The following DGKB variants were observed in gnomAD, a reference collection of about 807,000 sequenced individuals.
DGKB encodes the protein diacylglycerol kinase beta, also known as 90 kDa diacylglycerol kinase.
DGKB carries 67 observed loss-of-function variants against 114.3 expected under a neutral mutation model. The ratio of observed to expected loss-of-function variants is 0.59; its 90% CI spans 0.48 to 0.72. The LOEUF (loss-of-function observed/expected upper bound fraction) is 0.72. DGKB is among the 30% of genes least tolerant of loss of function. The pLI is 0.00. For missense variants in DGKB, 907 were observed against 975.2 expected (o/e 0.93, Z 0.93); for synonymous variants, 398 against 323.1 (o/e 1.23, Z -2.49).
At position 14,487,384 on chromosome 7, in the gene DGKB, G is replaced by A. The variant is rs553696715; in HGVS notation, c.1771-9159C>T. Among the ~76,000 whole-genome samples the A allele has an allele frequency of 3.9e-5, 6 of 152,146 alleles. No homozygotes were observed. The East Asian group carries it at 1.2e-3, about 29-fold the overall frequency. Reference sequence around the variant, plus strand: ...AGACTAGTAAAGTGGTTTTAAAAAAGCCAAGATGAATCTAGAATAGGACCA... The same window carrying A: ...AGACTAGTAAAGTGGTTTTAAAAAAACCAAGATGAATCTAGAATAGGACCA... On this transcript the variant is annotated intron_variant, in intron 20 of 25. Coordinates refer to ENST00000402815, the MANE Select transcript of DGKB (RefSeq NM_001350709.2).
intron 23 of DGKB, among the ~76,000 whole-genome samples, chr7:14,235,785 A>G (rs567705780): frequency 6.6e-6 from 1 of 152,164 alleles, no homozygotes; most frequent in East Asian, 1.9e-4. Flanking sequence ...GCATACTTAA[A>G]AGACAATGTA....
At chr7:14,369,014 T>G (rs1817177439) in intron 21 of DGKB, among the ~76,000 whole-genome samples, 3 of 152,132 alleles carry the variant, frequency 2.0e-5, no homozygotes, top group Admixed American at 2.0e-4. Flanking sequence ...GGTGGTTTGC[T>G]GCACTCATCA....
intron 23 of DGKB, among the ~76,000 whole-genome samples, chr7:14,304,322 C>A (rs1423789357): frequency 6.6e-6 from 1 of 151,950 alleles, no homozygotes; most frequent in Non-Finnish European, 1.5e-5. Context: ...TAATGTAAGA[C>A]AGCTTATTTT....
chr7:14,924,160 T>C (rs143179546), intron 1 of DGKB, among the ~76,000 whole-genome samples: 32 of 152,192 alleles, frequency 2.1e-4, no homozygotes, highest in African/African-American at 7.7e-4. Flanking sequence ...ATTTTTGTTA[T>C]AGAATTGTAT....
rs952887237 is a variant in DGKB at position 14,649,324 on chromosome 7, C to G, written c.1135-19056G>C. 4.0e-4 allele frequency among the ~76,000 whole-genome samples: 61 copies of G among 151,890 alleles called. 1 individual carries two copies. The highest frequency in any genetic ancestry group is 1.0e-3 in the South Asian group (5 of 4,816). ...GGCAGAAACCCCACAAGCCAGAAGA[C>G]AGTGGGGACCAATATTCAACATTCT... On this transcript the variant is annotated intron_variant, in intron 13 of 25. Coordinates refer to ENST00000402815, the MANE Select transcript of DGKB (RefSeq NM_001350709.2).
At chr7:14,743,256 A>G (rs1158563557) in intron 4 of DGKB, among the ~76,000 whole-genome samples, 5 of 152,168 alleles carry the variant, frequency 3.3e-5, no homozygotes, top group Non-Finnish European at 7.4e-5. Context: ...ATGTAATATT[A>G]ATGAATAATG....
chr7:14,620,077 TTTAA>T (rs941139556), intron 15 of DGKB, among the ~76,000 whole-genome samples: 9 of 151,554 alleles, frequency 5.9e-5, no homozygotes, highest in African/African-American at 1.7e-4. Context: ...TATAGGATAA[TTTAA>T]TTAATTTTTT....
intron 12 of DGKB, among the ~76,000 whole-genome samples, chr7:14,681,504 G>T (rs938784803): frequency 6.6e-6 from 1 of 151,644 alleles, no homozygotes; most frequent in Non-Finnish European, 1.5e-5. Flanking sequence ...TTAAGCCCTG[G>T]GTTGAGGGTG....
At chr7:14,265,318 C>CTTTTGTTTTTTT (rs1797332668) in intron 23 of DGKB, among the ~76,000 whole-genome samples, 1 of 67,752 alleles carries the variant, frequency 1.5e-5, no homozygotes, top group African/African-American at 6.8e-5. Flanking sequence ...CTCTTGCATT[C>CTTTTGTTTTTTT]TTTTTTTTTT....
At chr7:14,310,351 T>C (rs1455615077) in intron 23 of DGKB, among the ~76,000 whole-genome samples, 1 of 152,078 alleles carries the variant, frequency 6.6e-6, no homozygotes. Context: ...CTCTAAATAA[T>C]AGATACCAAG....
intron 12 of DGKB, 145 bp downstream of exon 12, chr7:14,682,408 A>T: frequency 3.2e-6 from 2 of 632,708 alleles, no homozygotes; most frequent in East Asian, 5.4e-5. Context: ...ATCTCTTTGC[A>T]AACAAGCTGA....
intron 23 of DGKB, among the ~76,000 whole-genome samples, chr7:14,336,436 T>G (rs186668791): frequency 1.7e-3 from 255 of 152,294 alleles, no homozygotes; most frequent in African/African-American, 5.8e-3. Context: ...CATACTTCTG[T>G]TTTTGCTCAT....
intron 23 of DGKB, among the ~76,000 whole-genome samples, chr7:14,227,855 A>G (rs1294771163): frequency 6.6e-6 from 1 of 152,082 alleles, no homozygotes; most frequent in African/African-American, 2.4e-5. Context: ...TCTCTTGCAT[A>G]TAAGATCATA....
At chr7:14,283,146 A>G (rs1313378665) in intron 23 of DGKB, among the ~76,000 whole-genome samples, 1 of 151,772 alleles carries the variant, frequency 6.6e-6, no homozygotes, top group Non-Finnish European at 1.5e-5. Context: ...CCTTAAGCTG[A>G]TAAGCAACTT....
chr7:14,788,674 C>T (rs1457466558), intron 2 of DGKB, among the ~76,000 whole-genome samples: 1 of 152,152 alleles, frequency 6.6e-6, no homozygotes, highest in Non-Finnish European at 1.5e-5. Context: ...CTTACTTCCC[C>T]TGGAAAACAC....
In DGKB at chr7:14,487,969, C is replaced by T. The variant is rs367952626; in HGVS notation, c.1771-9744G>A. On this transcript the variant is annotated intron_variant, in intron 20 of 25. Coordinates refer to ENST00000402815, the MANE Select transcript of DGKB (RefSeq NM_001350709.2). ...GGAAATAAAATATATTTCTCATCTG[C>T]TGTAAATAAAAACTTATGAACATTG... Among the ~76,000 whole-genome samples, 25 of 152,080 alleles carry T rather than the reference C, an allele frequency of 1.6e-4. No homozygotes were observed. In the South Asian group the frequency reaches 4.8e-3, roughly 29 times the overall value.
At chr7:14,622,745 A>G (rs1273347462) in intron 14 of DGKB, among the ~76,000 whole-genome samples, 3 of 151,924 alleles carry the variant, frequency 2.0e-5, no homozygotes, top group East Asian at 3.9e-4. Context: ...ACAAAAGCCA[A>G]ACTCATCCCT....
At chr7:14,591,960 C>A (rs1439134341) in intron 17 of DGKB, among the ~76,000 whole-genome samples, 1 of 151,786 alleles carries the variant, frequency 6.6e-6, no homozygotes, top group Non-Finnish European at 1.5e-5. Flanking sequence ...TGTCATAAAT[C>A]AGAATTCTTA....
At chr7:14,712,443 CG>C (rs2128337083) in intron 6 of DGKB, among the ~76,000 whole-genome samples, 1 of 151,948 alleles carries the variant, frequency 6.6e-6, no homozygotes, top group East Asian at 1.9e-4. Context: ...GAAAATGAGG[CG>C]GGCGGATATT....
Sources: allele counts gnomAD v4.1 joint callset (sites outside exome capture counted in the v4.1 genomes callset), GRCh38; gene constraint gnomAD v4.1.1; transcripts MANE v1.5; gene names NCBI Gene and HGNC (gene_info 2026-07-23, HGNC 2026-07-21).